Variants in KAZN observed in about 807,000 individuals in gnomAD.
KAZN encodes the protein kazrin.
KAZN carries 40 observed loss-of-function variants against 87.4 expected under a neutral mutation model. The ratio of observed to expected loss-of-function variants is 0.46; its 90% CI spans 0.36 to 0.60. The LOEUF is 0.60. KAZN is among the 20% of genes least tolerant of loss of function. The pLI is 0.00. For missense variants in KAZN, 898 were observed against 1,073.9 expected (o/e 0.84, Z 2.29); for synonymous variants, 466 against 458.3 (o/e 1.02, Z -0.22).
At chr1:14,945,945 A>G in intron 1 of KAZN, 1 of 984,984 alleles carries the variant, frequency 1.0e-6, no homozygotes, top group Non-Finnish European at 1.2e-6. Flanking sequence ...GCCAGTGTTG[A>G]CGGAGGGCTC....
chr1:15,045,553 A>G (rs1673386242), intron 4 of KAZN, among the ~76,000 whole-genome samples: 2 of 152,264 alleles, frequency 1.3e-5, no homozygotes, highest in Non-Finnish European at 2.9e-5. Flanking sequence ...AAGAACAGTC[A>G]GCGAGCACAT....
At position 14,379,261 on chromosome 1, in the gene KAZN, T is replaced by C. The variant is rs114037090; in HGVS notation, c.249+198669T>C. Among the ~76,000 whole-genome samples the C allele has an allele frequency of 3.5e-3, 528 of 151,924 alleles. 7 individuals carry two copies. The highest frequency in any genetic ancestry group is 0.012 in the African/African-American group (501 of 41,418). The stretch of plus-strand genomic sequence containing the variant: ...ATAACCAAGTAGTACACCATGGTCC[T>C]TGGGTGAGACTCTGAGGCTTGCTGG... On this transcript the variant is annotated intron_variant, in intron 2 of 16. Transcript: ENST00000636203.
intron 2 of KAZN, among the ~76,000 whole-genome samples, chr1:14,406,540 G>A (rs1437491444): frequency 6.6e-6 from 1 of 152,104 alleles, no homozygotes; most frequent in African/African-American, 2.4e-5. Flanking sequence ...GAACTCGAGG[G>A]GAAAGGATGG....
intron 2 of KAZN, among the ~76,000 whole-genome samples, chr1:14,983,869 G>T (rs1365317145): frequency 1.3e-5 from 2 of 152,170 alleles, no homozygotes; most frequent in Non-Finnish European, 2.9e-5. Flanking sequence ...TTGAACCCGG[G>T]AGGTGGAGGT....
At chr1:14,412,422 A>G (rs1664382699) in intron 2 of KAZN, among the ~76,000 whole-genome samples, 2 of 152,222 alleles carry the variant, frequency 1.3e-5, no homozygotes, top group East Asian at 1.9e-4. Flanking sequence ...ATACAAACTG[A>G]TAAAACTGAG....
chr1:14,168,998 A>G lies in KAZN; in HGVS notation c.92-11437A>G, dbSNP rs115550810. On this transcript the variant is annotated intron_variant, in intron 1 of 16. Transcript: ENST00000636203. ...GCAAGGCATGGAAAATATTAACCTA[A>G]GTAAATAGCAGAGTTCATCTGTACT... Among the ~76,000 whole-genome samples, 475 of 152,322 alleles carry G rather than the reference A, an allele frequency of 3.1e-3. 2 individuals are homozygous for G. The highest frequency in any genetic ancestry group is 0.011 in the African/African-American group (442 of 41,566).
chr1:14,826,801 G>A (rs956475606), intron 1 of KAZN, among the ~76,000 whole-genome samples: 1 of 152,156 alleles, frequency 6.6e-6, no homozygotes, highest in Non-Finnish European at 1.5e-5. Flanking sequence ...GGGAATCTGG[G>A]CTTAAAAGAA....
At chr1:14,177,621 T>C (rs1008699013) in intron 1 of KAZN, among the ~76,000 whole-genome samples, 1 of 152,176 alleles carries the variant, frequency 6.6e-6, no homozygotes, top group African/African-American at 2.4e-5. Context: ...TAGATTCCGA[T>C]GAGAAGGCTG....
At chr1:14,044,303 G>A (rs1641965616) in intron 1 of KAZN, among the ~76,000 whole-genome samples, 1 of 151,886 alleles carries the variant, frequency 6.6e-6, no homozygotes, top group South Asian at 2.1e-4. Flanking sequence ...AGAAAAAGTC[G>A]AACCCTTTCC....
At chr1:15,018,795 C>T (rs1670377216) in intron 2 of KAZN, among the ~76,000 whole-genome samples, 1 of 152,154 alleles carries the variant, frequency 6.6e-6, no homozygotes, top group Middle Eastern at 3.2e-3. Flanking sequence ...CCTGGACTGG[C>T]ACAGGCGGGC....
chr1:14,138,080 A>ACT (rs1491123091), intron 1 of KAZN, among the ~76,000 whole-genome samples: 3 of 90,002 alleles, frequency 3.3e-5, no homozygotes, highest in African/African-American at 6.8e-5. Flanking sequence ...AATAAATGTT[A>ACT]CAGTGTGTGT....
intron 1 of KAZN, among the ~76,000 whole-genome samples, chr1:14,951,553 T>C (rs1662483000): frequency 6.6e-6 from 1 of 152,078 alleles, no homozygotes; most frequent in African/African-American, 2.4e-5. Context: ...CTCGGTTCAC[T>C]GCAACCTCCA....
intron 2 of KAZN, among the ~76,000 whole-genome samples, chr1:15,009,163 C>T (rs546462277): frequency 9.2e-5 from 14 of 152,296 alleles, no homozygotes; most frequent in African/African-American, 3.1e-4. Flanking sequence ...GCACTGACTC[C>T]CCAGGTGGCA....
chr1:14,182,500 G>A (rs1258322521), intron 2 of KAZN, among the ~76,000 whole-genome samples: 1 of 152,102 alleles, frequency 6.6e-6, no homozygotes. Context: ...ACAGTGTTTT[G>A]GTTATGATCC....
At chr1:14,596,405 C>T (rs998782596), upstream of KAZN, among the ~76,000 whole-genome samples, 1 of 152,182 alleles carries the variant, frequency 6.6e-6, no homozygotes, top group Non-Finnish European at 1.5e-5. Context: ...TTCCCATCCT[C>T]TCTATTTGTG....
chr1:14,605,452 A>T (rs915315438), intron 1 of KAZN, among the ~76,000 whole-genome samples: 1 of 152,224 alleles, frequency 6.6e-6, no homozygotes. Flanking sequence ...AAGCCTTATG[A>T]TAACGTAAAC....
At chr1:15,020,560 G>C (rs1283252685) in intron 2 of KAZN, among the ~76,000 whole-genome samples, 9 of 152,088 alleles carry the variant, frequency 5.9e-5, no homozygotes, top group Non-Finnish European at 1.0e-4. Flanking sequence ...CCAGAAGCGC[G>C]ACACTCGGTC....
At chr1:14,770,270 T>C (rs112209213) in intron 1 of KAZN, among the ~76,000 whole-genome samples, 5,210 of 152,292 alleles carry the variant, frequency 0.034, 103 homozygotes, top group South Asian at 0.07. Context: ...GGAGAACTGA[T>C]AGGATGGTCA....
intron 2 of KAZN, among the ~76,000 whole-genome samples, chr1:14,309,881 TA>T (rs202171440): frequency 0.023 from 3,370 of 147,688 alleles, 121 homozygotes; most frequent in African/African-American, 0.075. Flanking sequence ...TGATTTATAT[TA>T]AAAAAAAAAA....
Sources: gnomAD v4.1 joint callset for allele counts (sites outside exome capture counted in the v4.1 genomes callset) on GRCh38, gnomAD v4.1.1 for gene constraint, MANE v1.5 for transcripts, NCBI Gene and HGNC (gene_info 2026-07-23, HGNC 2026-07-21) for gene names.